The following GSG1L variants were observed in gnomAD, a reference collection of about 807,000 sequenced individuals.
GSG1L encodes GSG1 like, also known as germ cell-specific gene 1-like protein.
Under a neutral mutation model 42.1 loss-of-function variants are expected in GSG1L, and 24 were observed. That is an observed-to-expected ratio of 0.57 (90% CI 0.41 to 0.80). The LOEUF is 0.80. Ranked by LOEUF, GSG1L falls within the 30% of genes least tolerant of loss-of-function variation. The pLI, the probability that GSG1L is intolerant of heterozygous loss-of-function variation, is 0.00. For synonymous variants in GSG1L, 215 were observed against 203.5 expected, an observed-to-expected ratio of 1.06 and a Z score of -0.48; for missense variants, 445 against 472.2, an observed-to-expected ratio of 0.94 and a Z score of 0.53.
intron 1 of GSG1L, among the ~76,000 whole-genome samples, chr16:27,992,173 G>A (rs1333957327): frequency 6.6e-6 from 1 of 152,188 alleles, no homozygotes. Context: ...GACCAGCTAT[G>A]CATGTTTTAC....
chr16:27,958,816 AG>A (rs1247847361), intron 2 of GSG1L, among the ~76,000 whole-genome samples: 2 of 152,106 alleles, frequency 1.3e-5, no homozygotes, highest in Non-Finnish European at 2.9e-5. Flanking sequence ...CTGGGATTAC[AG>A]GTGCATGCCA....
intron 3 of GSG1L, among the ~76,000 whole-genome samples, chr16:27,854,498 G>A (rs927754621): frequency 6.6e-6 from 1 of 152,164 alleles, no homozygotes; most frequent in Non-Finnish European, 1.5e-5. Context: ...GGAGCCACAG[G>A]GAGGTGAAGT....
intron 1 of GSG1L, among the ~76,000 whole-genome samples, chr16:28,053,950 C>A (rs2086249302): frequency 6.6e-6 from 1 of 152,170 alleles, no homozygotes; most frequent in Admixed American, 6.5e-5. Flanking sequence ...CGCTCGCTCC[C>A]TCTGTATGTG....
chr16:28,021,739 C>A (rs2085845924), intron 1 of GSG1L, among the ~76,000 whole-genome samples: 1 of 152,216 alleles, frequency 6.6e-6, no homozygotes, highest in African/African-American at 2.4e-5. Context: ...ACCTTTCTAA[C>A]CCTTTTTTTT....
intron 1 of GSG1L, among the ~76,000 whole-genome samples, chr16:28,004,253 G>C (rs778049679): frequency 2.6e-5 from 4 of 152,188 alleles, no homozygotes; most frequent in Non-Finnish European, 5.9e-5. Context: ...AGAACAGCCG[G>C]TGTGGGCATC....
At chr16:27,972,379 T>C (rs2085202682) in intron 1 of GSG1L, among the ~76,000 whole-genome samples, 1 of 152,254 alleles carries the variant, frequency 6.6e-6, no homozygotes, top group South Asian at 2.1e-4. Flanking sequence ...GAGATGTTTT[T>C]CCTCCAAATC....
chr16:27,867,825 A>C (rs931709289), intron 3 of GSG1L, among the ~76,000 whole-genome samples: 3 of 150,870 alleles, frequency 2.0e-5, no homozygotes, highest in Non-Finnish European at 3.0e-5. Flanking sequence ...CCCTGAGGCC[A>C]GCCACTTCCT....
intron 3 of GSG1L, among the ~76,000 whole-genome samples, chr16:27,845,280 T>A (rs2083430476): frequency 6.6e-6 from 1 of 152,204 alleles, no homozygotes; most frequent in Admixed American, 6.5e-5. Flanking sequence ...AGGGTCTTGC[T>A]CTGTTGCCAG....
chr16:28,039,169 T>G (rs2086075970), intron 1 of GSG1L, among the ~76,000 whole-genome samples: 1 of 152,172 alleles, frequency 6.6e-6, no homozygotes, highest in African/African-American at 2.4e-5. Flanking sequence ...TGAGGGAGCA[T>G]CTGAGATTTG....
At chr16:27,932,771 C>A (rs919490764) in intron 2 of GSG1L, among the ~76,000 whole-genome samples, 1 of 152,142 alleles carries the variant, frequency 6.6e-6, no homozygotes, top group Non-Finnish European at 1.5e-5. Flanking sequence ...TGACCATGTG[C>A]CATCACCCAG....
intron 1 of GSG1L, among the ~76,000 whole-genome samples, chr16:28,008,644 T>C (rs1477626474): frequency 1.3e-5 from 2 of 152,300 alleles, no homozygotes; most frequent in East Asian, 3.9e-4. Context: ...CCTCCCTTCC[T>C]GCCCACCAAG....
At chr16:27,808,066 T>G (rs2082988996) in intron 5 of GSG1L, among the ~76,000 whole-genome samples, 2 of 152,128 alleles carry the variant, frequency 1.3e-5, no homozygotes, top group Admixed American at 1.3e-4. Context: ...AGGCTCTTCT[T>G]CGCTAAGCAG....
intron 1 of GSG1L, among the ~76,000 whole-genome samples, chr16:28,003,189 G>A (rs909146884): frequency 4.6e-5 from 7 of 152,316 alleles, no homozygotes; most frequent in Middle Eastern, 3.4e-3. Context: ...CCAAGCAGAC[G>A]AGCACTGTGA....
At chr16:27,825,676 C>CTTGAATTGGAG (rs765550281) in intron 5 of GSG1L, among the ~76,000 whole-genome samples, 99 of 152,246 alleles carry the variant, frequency 6.5e-4, no homozygotes, top group Admixed American at 2.5e-3. Context: ...CAAATCTCAT[C>CTTGAATTGGAG]TTGAATTGGA....
intron 2 of GSG1L, among the ~76,000 whole-genome samples, chr16:27,937,646 G>A (rs1224020764): frequency 3.3e-5 from 5 of 152,238 alleles, no homozygotes. Flanking sequence ...CCAGGGCGAT[G>A]ACTGGGGAGC....
intron 3 of GSG1L, among the ~76,000 whole-genome samples, chr16:27,855,775 G>A (rs540302250): frequency 6.6e-6 from 1 of 150,552 alleles, no homozygotes; most frequent in Admixed American, 6.6e-5. Flanking sequence ...CCTACCCACT[G>A]TGAGTTTCTG....
intron 2 of GSG1L, chr16:27,888,106 G>T: frequency 1.0e-6 from 1 of 985,536 alleles, no homozygotes; most frequent in Non-Finnish European, 1.2e-6. Flanking sequence ...GCCCCTGTTG[G>T]TGCTGGCAGG....
intron 6 of GSG1L, among the ~76,000 whole-genome samples, chr16:27,796,694 A>G (rs747585692): frequency 3.9e-5 from 6 of 152,280 alleles, no homozygotes; most frequent in Admixed American, 6.5e-5. Flanking sequence ...TAGGAGATTG[A>G]ATGGGGGCCA....
Position 27,979,661 on chromosome 16 carries a change from A to AAGATAGAAAGAAAGAAAGAAAGAAAG in GSG1L, c.350-16459_350-16458insCTTTCTTTCTTTCTTTCTTTCTATCT, listed in dbSNP as rs368394279. On this transcript the variant is annotated intron_variant, in intron 1 of 6. Coordinates refer to ENST00000447459, the MANE Select transcript of GSG1L (RefSeq NM_001109763.2). ...GGGAGGGGAAAGAAAGAAAGAAAGA[A>AAGATAGAAAGAAAGAAAGAAAGAAAG]AGAGAGAGAGAGAGAGAGAAAGAAA... 5.9e-5 allele frequency among the ~76,000 whole-genome samples: 4 copies of AAGATAGAAAGAAAGAAAGAAAGAAAG among 67,696 alleles called. 1 individual carries two copies. Among genetic ancestry groups the AAGATAGAAAGAAAGAAAGAAAGAAAG allele is most frequent in the African/African-American group, 1.3e-4 (2 of 15,488 alleles). 44.4% of individuals were successfully genotyped at this position (67,696 alleles called of 152,430 possible). A position where few individuals can be genotyped will look rare whatever the true frequency, so the allele number is the denominator to read the frequency against.
Sources: gnomAD v4.1 joint callset for allele counts (sites outside exome capture counted in the v4.1 genomes callset) on GRCh38, gnomAD v4.1.1 for gene constraint, MANE v1.5 for transcripts, NCBI Gene and HGNC (gene_info 2026-07-23, HGNC 2026-07-21) for gene names.